CACNA1E: variants seen among roughly 807,000 people sequenced by gnomAD.
CACNA1E encodes calcium voltage-gated channel subunit alpha1 E.
In CACNA1E, 40 loss-of-function variants were observed where a neutral mutation model predicts 259.2. The observed-to-expected ratio is 0.15, with a 90% CI of 0.12 to 0.20. CACNA1E has a LOEUF of 0.20. Ranked by LOEUF, CACNA1E falls within the 10% of genes least tolerant of loss-of-function variation. CACNA1E has a pLI of 1.00. For synonymous variants in CACNA1E, 1,104 were observed against 1,138.5 expected, an observed-to-expected ratio of 0.97 and a Z score of 0.61; for missense variants, 1,874 against 3,040.1, an observed-to-expected ratio of 0.62 and a Z score of 9.02.
intron 3 of CACNA1E, among the ~76,000 whole-genome samples, chr1:181,522,839 C>T (rs1667092228): frequency 6.6e-6 from 1 of 152,194 alleles, no homozygotes; most frequent in Admixed American, 6.5e-5. Context: ...TAAATGCTCA[C>T]CCCGGTCTTT....
intron 1 of CACNA1E, among the ~76,000 whole-genome samples, chr1:181,325,071 G>A (rs970544509): frequency 2.6e-5 from 4 of 152,076 alleles, no homozygotes; most frequent in African/African-American, 7.2e-5. Flanking sequence ...TCCACTCTGC[G>A]GACTGCTGAC....
intron 3 of CACNA1E, among the ~76,000 whole-genome samples, chr1:181,529,070 G>C (rs980172443): frequency 9.2e-5 from 14 of 152,190 alleles, no homozygotes; most frequent in Non-Finnish European, 1.5e-4. Flanking sequence ...AGGCCCAGGA[G>C]GAAAAAGTGG....
At position 181,630,625 on chromosome 1, in the gene CACNA1E, C is replaced by T. The variant is rs560691855; in HGVS notation, c.952-20713C>T. On this transcript the variant is annotated intron_variant, in intron 6 of 47. Coordinates refer to ENST00000367573, the MANE Select transcript of CACNA1E (RefSeq NM_001205293.3). ...AGGCACCTCTCTTCTTACTGAACAC[C>T]ACCTATGCTTGGAGCACCATGTGAG... Among the ~76,000 whole-genome samples the T allele has an allele frequency of 1.2e-3, 179 of 152,028 alleles. 1 individual carries two copies. The highest frequency in any genetic ancestry group is 1.3e-3 in the Non-Finnish European group (85 of 67,980).
At chr1:181,439,020 C>T (rs1197228523) in intron 2 of CACNA1E, among the ~76,000 whole-genome samples, 1 of 152,150 alleles carries the variant, frequency 6.6e-6, no homozygotes, top group Admixed American at 6.5e-5. Flanking sequence ...TAGATTTTCA[C>T]AACAGTGTTG....
intron 3 of CACNA1E, among the ~76,000 whole-genome samples, chr1:181,538,051 T>C (rs981299969): frequency 6.6e-6 from 1 of 152,234 alleles, no homozygotes; most frequent in Non-Finnish European, 1.5e-5. Flanking sequence ...TAGAAGTTAG[T>C]TGGACAGGGT....
chr1:181,766,039 G>T lies in CACNA1E; in HGVS notation c.4816-507G>T, dbSNP rs533969832. On this transcript the variant is annotated intron_variant, in intron 34 of 47. Transcript: ENST00000367573. ...GGGAAATGACATTTCATCAGAAAAT[G>T]AATGACCTTTCTAGGAACTTACAAA... Among the ~76,000 whole-genome samples, 4 of 152,280 alleles carry T rather than the reference G, an allele frequency of 2.6e-5. No individual in the cohort carries two copies. In the East Asian group the frequency reaches 7.7e-4, roughly 29 times the overall value.
intron 3 of CACNA1E, among the ~76,000 whole-genome samples, chr1:181,519,946 C>T (rs527701223): frequency 3.9e-5 from 6 of 152,208 alleles, no homozygotes; most frequent in East Asian, 3.9e-4. Context: ...CCCATCTCAG[C>T]TTGGCTTTCC....
chr1:181,323,336 G>A (rs1643347563), intron 1 of CACNA1E, among the ~76,000 whole-genome samples: 1 of 152,110 alleles, frequency 6.6e-6, no homozygotes, highest in African/African-American at 2.4e-5. Flanking sequence ...CTGGCATAGT[G>A]GATCTGGTCT....
upstream of CACNA1E, among the ~76,000 whole-genome samples, chr1:181,479,945 G>A (rs1418728541): frequency 1.3e-5 from 2 of 152,102 alleles, no homozygotes; most frequent in Admixed American, 1.3e-4. Context: ...TCAGCTGTGG[G>A]GCTTATGTAA....
chr1:181,779,819 TACACACACAC>T (rs56301632), intron 38 of CACNA1E, among the ~76,000 whole-genome samples: 12 of 148,292 alleles, frequency 8.1e-5, no homozygotes, highest in Non-Finnish European at 1.0e-4. Flanking sequence ...TATGCACATG[TACACACACAC>T]ACACACACAC....
chr1:181,738,026 C>T (rs886107205), intron 23 of CACNA1E, among the ~76,000 whole-genome samples: 9 of 152,136 alleles, frequency 5.9e-5, no homozygotes, highest in East Asian at 1.9e-4. Context: ...ATGAGGGACG[C>T]GAGGAGGACA....
intron 6 of CACNA1E, among the ~76,000 whole-genome samples, chr1:181,645,776 T>G (rs1658211337): frequency 6.6e-6 from 1 of 152,250 alleles, no homozygotes; most frequent in Non-Finnish European, 1.5e-5. Context: ...TGAGACTGTC[T>G]TGCTCATCAT....
chr1:181,505,359 C>T (rs891363333), intron 1 of CACNA1E, among the ~76,000 whole-genome samples: 3 of 151,878 alleles, frequency 2.0e-5, no homozygotes, highest in Non-Finnish European at 4.4e-5. Context: ...TTGTTCTCTC[C>T]CTTCTCTTTT....
In CACNA1E at chr1:181,380,950, G is replaced by A. The variant is rs531968421; in HGVS notation, c.-14-32183G>A. 2.6e-5 allele frequency among the ~76,000 whole-genome samples: 4 copies of A among 152,310 alleles called. No individual in the cohort carries two copies. The South Asian group carries it at 8.3e-4, about 32-fold the overall frequency. Reference sequence around the variant, plus strand: ...TGAGAGGCCAAGGCGGGTGGATCACGAGGTCGGGAGTTTGAGACCAGCCTG... The same window carrying A: ...TGAGAGGCCAAGGCGGGTGGATCACAAGGTCGGGAGTTTGAGACCAGCCTG... On this transcript the variant is annotated intron_variant, in intron 1 of 11. Coordinates refer to the CACNA1E transcript ENST00000524607.
chr1:181,324,322 G>T (rs978679264), intron 1 of CACNA1E, among the ~76,000 whole-genome samples: 1 of 152,200 alleles, frequency 6.6e-6, no homozygotes. Context: ...CAGTAACAGG[G>T]TCACACTTTA....
At chr1:181,792,287 A>G (rs1364859048) in intron 44 of CACNA1E, among the ~76,000 whole-genome samples, 1 of 152,134 alleles carries the variant, frequency 6.6e-6, no homozygotes, top group Non-Finnish European at 1.5e-5. Context: ...CTTTTTGGAT[A>G]TGTGTTCATC....
At chr1:181,500,078 T>A (rs532719505) in intron 1 of CACNA1E, among the ~76,000 whole-genome samples, 1 of 152,350 alleles carries the variant, frequency 6.6e-6, no homozygotes, top group African/African-American at 2.4e-5. Flanking sequence ...ATGAGGGGGA[T>A]GGACCAGACA....
intron 3 of CACNA1E, among the ~76,000 whole-genome samples, chr1:181,556,325 C>T (rs1405232494): frequency 2.6e-5 from 4 of 152,214 alleles, no homozygotes; most frequent in East Asian, 1.9e-4. Flanking sequence ...ATTTCTCATA[C>T]ATTTTTATTC....
chr1:181,383,431 A>G (rs1053405100), intron 1 of CACNA1E, among the ~76,000 whole-genome samples: 1 of 152,244 alleles, frequency 6.6e-6, no homozygotes, highest in East Asian at 1.9e-4. Context: ...TGATGAGGCA[A>G]GCGGGGGCAG....
Sources: gnomAD v4.1 joint callset for allele counts (sites outside exome capture counted in the v4.1 genomes callset) on GRCh38, gnomAD v4.1.1 for gene constraint, MANE v1.5 for transcripts, NCBI Gene and HGNC (gene_info 2026-07-23, HGNC 2026-07-21) for gene names.